BEST2: variants seen among roughly 807,000 people sequenced by gnomAD.
BEST2 encodes bestrophin-2a.
Under a neutral mutation model 49.0 loss-of-function variants are expected in BEST2, and 36 were observed. The observed-to-expected ratio is 0.73, with a 90% CI of 0.56 to 0.97. BEST2 has a LOEUF of 0.97. Ranked by LOEUF, BEST2 falls within the 50% of genes least tolerant of loss-of-function variation. The probability of loss-of-function intolerance (pLI) is 0.00; values close to 1 mark genes in which losing one functional copy is unlikely to be tolerated. For missense variants in BEST2, 672 were observed against 710.0 expected (o/e 0.95, Z 0.61); for synonymous variants, 335 against 304.4 (o/e 1.10, Z -1.05).
At chr19:12,756,071 G>T in intron 8 of BEST2, 70 bp from the exon 9 acceptor site, 1 of 1,604,686 alleles carries the variant, frequency 6.2e-7, no homozygotes, top group Admixed American at 1.7e-5. Flanking sequence ...CCACCCACCC[G>T]AAGGGGTCCA....
rs1334435439 is a variant in BEST2 at position 12,755,609 on chromosome 19, G to A, written c.715-6G>A. Reference sequence around the variant, plus strand: ...ACCCCCCTGAGCCCTGCCCCGCCCTGCCCAGGTGGTGACCATCGCACTGTA... The same window carrying A: ...ACCCCCCTGAGCCCTGCCCCGCCCTACCCAGGTGGTGACCATCGCACTGTA... On this transcript the variant is annotated splice_polypyrimidine_tract_variant and splice_region_variant and intron_variant, in intron 6 of 9. Coordinates refer to ENST00000553030, the MANE Select transcript of BEST2 (RefSeq NM_017682.3). The surrounding 1 kb of genome is among the most constrained non-coding windows in gnomAD (Gnocchi z 4.4). The A allele has an allele frequency of 6.2e-7, 1 of 1,612,244 alleles. No individual in the cohort carries two copies. The highest frequency in any genetic ancestry group is 8.5e-7 in the Non-Finnish European group (1 of 1,178,944).
rs186816252 is a variant in BEST2 at position 12,756,161 on chromosome 19, C to T, written c.969C>T (p.Asp323=). ...CGTAGGTGTCCATGCTGGCAGTGGA[C>T]GAGATGTATGATGACCTGGCTGTGC... ...RNFQVSMLAV[D]EMYDDLAVLE... The change falls in exon 9 of 10, where the codon GAC becomes GAT. Residue 323 remains aspartate (D), a synonymous_variant. Coordinates refer to ENST00000553030, the MANE Select transcript of BEST2 (RefSeq NM_017682.3). 4.0e-4 allele frequency: 653 copies of T among 1,614,220 alleles called. 5 individuals carry two copies. In the African/African-American group the frequency reaches 7.9e-3, roughly 19 times the overall value.
rs772103539 is a variant in BEST2 at position 12,756,272 on chromosome 19, C to T, written c.1080C>T (p.Phe360=). The change falls in exon 9 of 10, where the codon TTC becomes TTT. Residue 360 remains phenylalanine (F), a synonymous_variant. Coordinates refer to ENST00000553030, the MANE Select transcript of BEST2 (RefSeq NM_017682.3). ...TCTTCCAGCTGCGGCAGCCTTCCTT[C>T]CAGGGCTCCACCTTTGACATCACGT... ...ATVFQLRQPS[F]QGSTFDITLA... 3 of 1,613,606 alleles carry T rather than the reference C, an allele frequency of 1.9e-6. No homozygotes were observed. The highest frequency in any genetic ancestry group is 4.5e-5 in the East Asian group (2 of 44,886).
chr19:12,755,068 AG>A lies in BEST2; in HGVS notation c.636+40del. ...CAGGAGGTCATTCATATAGAATACCAGGGAAATTGTACCCCTGGAGCTGTGT... is the reference window on the plus strand; with the variant it reads ...CAGGAGGTCATTCATATAGAATACCAGGAAATTGTACCCCTGGAGCTGTGT... On this transcript the variant is annotated intron_variant, in intron 5 of 9. Transcript: ENST00000553030. The surrounding 1 kb of genome is among the most constrained non-coding windows in gnomAD (Gnocchi z 4.4). 1 of 1,564,612 alleles carries A rather than the reference AG, an allele frequency of 6.4e-7. No homozygotes were observed. Among genetic ancestry groups the A allele is most frequent in the Non-Finnish European group, 8.6e-7 (1 of 1,159,710 alleles).
intron 9 of BEST2, 101 bp from the exon 10 acceptor site, chr19:12,757,550 G>A: frequency 2.3e-6 from 3 of 1,311,384 alleles, no homozygotes; most frequent in Non-Finnish European, 3.1e-6. Flanking sequence ...GGGATAAGTG[G>A]GACAAAGCGG....
chr19:12,753,779 G>A (rs1192206166), intron 3 of BEST2, among the ~76,000 whole-genome samples: 1 of 152,106 alleles, frequency 6.6e-6, no homozygotes, highest in Non-Finnish European at 1.5e-5. Flanking sequence ...ACCCTAGCCT[G>A]CCCAAGGCTC....
In BEST2 at chr19:12,757,955, C is replaced by T; in HGVS notation, c.1408C>T (p.Pro470Ser). Residue 470 changes from proline to serine, a missense_variant, in exon 10 of 10, where the codon CCG becomes TCG. Transcript: ENST00000553030. ...GGCCCCGCCCCCTGCGGGTCCCGAA[C>T]CGCTTACCCTCATCCCTGGGCCTGT... ...PEAPPPAGPE[P>S]LTLIPGPVEP... 1 of 1,600,956 alleles carries T rather than the reference C, an allele frequency of 6.2e-7. No individual in the cohort carries two copies. The highest frequency in any genetic ancestry group is 8.5e-7 in the Non-Finnish European group (1 of 1,175,474).
intron 3 of BEST2, 76 bp downstream of exon 3, chr19:12,753,430 C>T: frequency 7.2e-7 from 1 of 1,379,970 alleles, no homozygotes; most frequent in East Asian, 2.3e-5. Flanking sequence ...TGAGGAGCCC[C>T]CATTCCTGCC....
chr19:12,754,793 C>T lies in BEST2; in HGVS notation c.481+8C>T. On this transcript the variant is annotated splice_region_variant and intron_variant, in intron 4 of 9. Coordinates refer to ENST00000553030, the MANE Select transcript of BEST2 (RefSeq NM_017682.3). ...ACCACGTGGTGGAGGCTGGTGAGTACTCGGCCAGAGGCAGGGCAGAGACCG... is the reference window on the plus strand; with the variant it reads ...ACCACGTGGTGGAGGCTGGTGAGTATTCGGCCAGAGGCAGGGCAGAGACCG... 1 of 1,578,806 alleles carries T rather than the reference C, an allele frequency of 6.3e-7. No individual in the cohort carries two copies. Among genetic ancestry groups the T allele is most frequent in the Non-Finnish European group, 8.6e-7 (1 of 1,161,774 alleles).
chr19:12,755,806 C>T lies in BEST2; in HGVS notation c.867+39C>T, dbSNP rs765350161. 17 of 1,580,454 alleles carry T rather than the reference C, an allele frequency of 1.1e-5. No individual in the cohort carries two copies. The highest frequency in any genetic ancestry group is 4.5e-5 in the East Asian group (2 of 44,712). On this transcript the variant is annotated intron_variant, in intron 7 of 9. Coordinates refer to ENST00000553030, the MANE Select transcript of BEST2 (RefSeq NM_017682.3). The surrounding 1 kb of genome is among the most constrained non-coding windows in gnomAD (Gnocchi z 4.4). Reference sequence around the variant, plus strand: ...CCAGGCTGGAATTTCGTGGGTGGGGCGGGCATGGGGTTCCCAAGTTTCCAC... The same window carrying T: ...CCAGGCTGGAATTTCGTGGGTGGGGTGGGCATGGGGTTCCCAAGTTTCCAC...
Position 12,756,119 on chromosome 19 carries a change from C to T in BEST2, c.949-22C>T, listed in dbSNP as rs759624612. Reference sequence around the variant, plus strand: ...GGCGGGTTGCCCTGCCCCCACTTTACCCTGTGTGTTTGCACCCGTAGGTGT... The same window carrying T: ...GGCGGGTTGCCCTGCCCCCACTTTATCCTGTGTGTTTGCACCCGTAGGTGT... On this transcript the variant is annotated intron_variant, in intron 8 of 9. Transcript: ENST00000553030. 13 of 1,613,968 alleles carry T rather than the reference C, an allele frequency of 8.1e-6. No homozygotes were observed. The East Asian group carries it at 1.3e-4, about 17-fold the overall frequency.
Position 12,754,535 on chromosome 19 carries a change from T to G in BEST2, c.248-17T>G. 6.8e-7 allele frequency: 1 copy of G among 1,474,286 alleles called. No individual in the cohort carries two copies. The highest frequency in any genetic ancestry group is 9.1e-7 in the Non-Finnish European group (1 of 1,103,420). The allele number at this position is 1,474,286 out of a possible 1,614,324, so 91.3% of individuals were successfully genotyped here. ...CCTGGTGTCCCCACTGAGCCCCCAT[T>G]CCCCGCTCCCCTGCAGGCTTTTATG... On this transcript the variant is annotated splice_polypyrimidine_tract_variant and intron_variant, in intron 3 of 9. Coordinates refer to ENST00000553030, the MANE Select transcript of BEST2 (RefSeq NM_017682.3).
chr19:12,756,294 A>G lies in BEST2; in HGVS notation c.1102A>G (p.Thr368Ala). The change falls in exon 9 of 10, where the codon ACG becomes GCG. Residue 368 changes from threonine to alanine, a missense_variant and splice_region_variant. By Grantham distance (58) the Thr-to-Ala change is moderately conservative (BLOSUM62 0). Around this residue, in one of 3 missense-constraint regions of BEST2, gnomAD observed 291 missense variants for 279.8 expected, o/e 1.04. Coordinates refer to ENST00000553030, the MANE Select transcript of BEST2 (RefSeq NM_017682.3). ...CTTCCAGGGCTCCACCTTTGACATCACGTGAGCCAGTTGGGTGGGCAGGGC... is the reference window on the plus strand; with the variant it reads ...CTTCCAGGGCTCCACCTTTGACATCGCGTGAGCCAGTTGGGTGGGCAGGGC... The part of the protein sequence containing the change: ...PSFQGSTFDI[T>A]LAKEDMQFQR... The G allele has an allele frequency of 6.2e-7, 1 of 1,612,740 alleles. No homozygotes were observed.
chr19:12,755,762 C>T lies in BEST2; in HGVS notation c.862C>T (p.Leu288Phe), dbSNP rs747685994. The part of the protein sequence containing the change: ...LLQFFFYAGW[L>F]KVAEQLINPF... ...GCAGTTCTTCTTCTACGCCGGCTGG[C>T]TCAAGGTAGGTGGGTGATCCAGGCT... Residue 288 changes from leucine to phenylalanine, a missense_variant, in exon 7 of 10, where the codon CTC (leucine) becomes TTC (phenylalanine). By Grantham distance (22) the Leu-to-Phe change is conservative. Transcript: ENST00000553030. This position sits in a 1 kb window ranked among gnomAD's most constrained non-coding sequence, Gnocchi z 4.4. 1.2e-5 allele frequency: 20 copies of T among 1,613,948 alleles called. No individual in the cohort carries two copies. The highest frequency in any genetic ancestry group is 1.6e-5 in the Non-Finnish European group (19 of 1,179,958).
In BEST2 at chr19:12,755,038, C is replaced by T. The variant is rs776796548; in HGVS notation, c.636+7C>T. ...CCTTAAGCTGCTGCTCGAGGTGGGCCCAACCAGGAGGTCATTCATATAGAA... is the reference window on the plus strand; with the variant it reads ...CCTTAAGCTGCTGCTCGAGGTGGGCTCAACCAGGAGGTCATTCATATAGAA... On this transcript the variant is annotated splice_region_variant and intron_variant, in intron 5 of 9. Transcript: ENST00000553030. This position sits in a 1 kb window ranked among gnomAD's most constrained non-coding sequence, Gnocchi z 4.4. The T allele has an allele frequency of 6.9e-6, 11 of 1,592,676 alleles. No homozygotes were observed. Among genetic ancestry groups the T allele is most frequent in the Non-Finnish European group, 7.7e-6 (9 of 1,172,690 alleles).
At chr19:12,756,485 A>C in intron 9 of BEST2, 190 bp downstream of exon 9, 1 of 762,498 alleles carries the variant, frequency 1.3e-6, no homozygotes, top group East Asian at 2.7e-5. Context: ...TGGGCCACTG[A>C]CTGGGGACAG....
In BEST2 at chr19:12,754,795, C is replaced by T. The variant is rs763971437; in HGVS notation, c.481+10C>T. 1.3e-6 allele frequency: 2 copies of T among 1,577,554 alleles called. No individual in the cohort carries two copies. The highest frequency in any genetic ancestry group is 1.9e-5 in the Admixed American group (1 of 53,578). ...CACGTGGTGGAGGCTGGTGAGTACT[C>T]GGCCAGAGGCAGGGCAGAGACCGGG... is the stretch of plus-strand genomic sequence containing the variant. On this transcript the variant is annotated intron_variant, in intron 4 of 9. Transcript: ENST00000553030.
At position 12,758,287 on chromosome 19, in the gene BEST2, T is replaced by G; in HGVS notation, c.*210T>G. 1 of 599,516 alleles carries G rather than the reference T, an allele frequency of 1.7e-6. No homozygotes were observed. The highest frequency in any genetic ancestry group is 2.9e-6 in the Non-Finnish European group (1 of 349,182). 37.1% of individuals were successfully genotyped at this position (599,516 alleles called of 1,614,324 possible). ...AGCCCGCCCTGACCACCAGCTCTAC[T>G]TCCCAACCCCCACTGCCTGAGAGGT... On this transcript the variant is annotated 3_prime_UTR_variant, in exon 10 of 10. Transcript: ENST00000553030.
intron 2 of BEST2, 97 bp downstream of exon 2, chr19:12,752,841 G>GTA (rs1251258878): frequency 1.3e-5 from 11 of 845,882 alleles, no homozygotes; most frequent in Non-Finnish European, 1.5e-5. Flanking sequence ...AGATATATAA[G>GTA]TATATATATC....
Sources: allele counts gnomAD v4.1 joint callset (sites outside exome capture counted in the v4.1 genomes callset), GRCh38; gene constraint gnomAD v4.1.1; regional missense constraint gnomAD v4.1.1; non-coding constraint Gnocchi (gnomAD v3.1); transcripts MANE v1.5; gene names NCBI Gene and HGNC (gene_info 2026-07-23, HGNC 2026-07-21).